The following CMTR1 variants were observed in gnomAD, a reference collection of about 807,000 sequenced individuals.
CMTR1 encodes cap-specific mRNA (nucleoside-2'-O-)-methyltransferase 1.
CMTR1 carries 39 observed loss-of-function variants against 107.0 expected under a neutral mutation model. The ratio of observed to expected loss-of-function variants is 0.36; its 90% confidence interval spans 0.28 to 0.48. CMTR1 has a LOEUF of 0.48. Ranked by LOEUF, CMTR1 falls within the 20% of genes least tolerant of loss-of-function variation. The probability of loss-of-function intolerance (pLI) is 0.99; values close to 1 mark genes in which losing one functional copy is unlikely to be tolerated. For synonymous variants in CMTR1, 366 were observed against 379.5 expected, an observed-to-expected ratio of 0.96 and a Z score of 0.41; for missense variants, 672 against 1,064.9, an observed-to-expected ratio of 0.63 and a Z score of 5.14.
chr6:37,471,046 C>G lies in CMTR1; in HGVS notation c.1531C>G (p.Leu511Val). 1.9e-6 allele frequency: 3 copies of G among 1,607,278 alleles called. No homozygotes were observed. The highest frequency in any genetic ancestry group is 8.5e-7 in the Non-Finnish European group (1 of 1,177,194). The change falls in exon 14 of 24, where the codon CTG (leucine) becomes GTG (valine). Residue 511 changes from leucine (L) to valine (V), a missense_variant. By Grantham distance (32) the Leu-to-Val change is conservative. This residue lies in a region of CMTR1 where 583 missense variants were observed against 968.4 expected (regional missense o/e 0.60). Coordinates refer to ENST00000373451, the MANE Select transcript of CMTR1 (RefSeq NM_015050.3). The part of the protein sequence containing the change: ...ESHCSLQIKA[L>V]AKIHAFVQDT... Reference sequence around the variant, plus strand: ...CCACTGTAGTCTGCAGATCAAAGCTCTGGCGAAAATCCATGCCTTTGTTCA... The same window carrying G: ...CCACTGTAGTCTGCAGATCAAAGCTGTGGCGAAAATCCATGCCTTTGTTCA...
chr6:37,469,521 C>CTTTTTTTTTTTTTTTTTTTTTTTTTTTCT (rs763917812), intron 13 of CMTR1, among the ~76,000 whole-genome samples: 1 of 61,594 alleles, frequency 1.6e-5, no homozygotes, highest in African/African-American at 6.8e-5. Flanking sequence ...TTGTTTTATC[C>CTTTTTTTTTTTTTTTTTTTTTTTTTTTCT]TTTTTTTTTT....
At position 37,462,932 on chromosome 6, in the gene CMTR1, G is replaced by C; in HGVS notation, c.1429G>C (p.Val477Leu). ...LNQLRNTDSD[V>L]NLVVPLEVIK... ...TCAGCTGCGGAACACGGATTCCGAC[G>C]TCAACTTGGTGGTCCCCCTGGAGGT... Residue 477 changes from valine (V) to leucine (L), a missense_variant, in exon 13 of 24, where the codon GTC (valine) becomes CTC (leucine). Physicochemically the swap from Val to Leu is conservative, Grantham distance 32 (BLOSUM62 1). Transcript: ENST00000373451. 1 of 1,614,176 alleles carries C rather than the reference G, an allele frequency of 6.2e-7. No homozygotes were observed. Among genetic ancestry groups the C allele is most frequent in the Non-Finnish European group, 8.5e-7 (1 of 1,180,022 alleles).
chr6:37,463,051 A>G (rs745382935), intron 13 of CMTR1, 43 bp downstream of exon 13: 3 of 1,579,540 alleles, frequency 1.9e-6, no homozygotes, highest in South Asian at 1.1e-5. Flanking sequence ...CTGAGGTCCT[A>G]AGGAAGACCA....
chr6:37,463,694 G>C (rs1384665507), intron 13 of CMTR1, among the ~76,000 whole-genome samples: 1 of 152,132 alleles, frequency 6.6e-6, no homozygotes, highest in Non-Finnish European at 1.5e-5. Flanking sequence ...CCAACCTTAA[G>C]TCCCCCAGAG....
Position 37,480,875 on chromosome 6 carries a change from C to T in CMTR1, c.*730C>T. The T allele has an allele frequency of 8.4e-7, 1 of 1,194,864 alleles. No individual in the cohort carries two copies. The highest frequency in any genetic ancestry group is 1.1e-6 in the Non-Finnish European group (1 of 946,416). The allele number at this position is 1,194,864 out of a possible 1,614,324, so 74.0% of individuals were successfully genotyped here. A position where few individuals can be genotyped will look rare whatever the true frequency, so the allele number is the denominator to read the frequency against. ...GGAGTTGTAGAGCCATCCTAGGTGC[C>T]ATCCCCTTTTGGTCCAAACATTGGG... On this transcript the variant is annotated 3_prime_UTR_variant, in exon 24 of 24. Transcript: ENST00000373451.
In CMTR1 at chr6:37,467,939, A is replaced by G. The variant is rs189365460; in HGVS notation, c.1506-3082A>G. Among the ~76,000 whole-genome samples, 3 of 151,632 alleles carry G rather than the reference A, an allele frequency of 2.0e-5. No individual in the cohort carries two copies. The East Asian group carries it at 5.8e-4, about 29-fold the overall frequency. The stretch of plus-strand genomic sequence containing the variant: ...GCATTTTAATTGGGGTGATTGGTGC[A>G]TTTACATTGAGTGTAATTATTAATG... On this transcript the variant is annotated intron_variant, in intron 13 of 23. Transcript: ENST00000373451.
intron 19 of CMTR1, chr6:37,475,689 G>A (rs1306343003): frequency 3.7e-6 from 2 of 544,666 alleles, no homozygotes; most frequent in African/African-American, 3.8e-5. Flanking sequence ...TTAAGGTTGA[G>A]CAAGAGGGTG....
At position 37,481,377 on chromosome 6, in the gene CMTR1, C is replaced by T; in HGVS notation, c.*1232C>T. On this transcript the variant is annotated 3_prime_UTR_variant, in exon 24 of 24. Coordinates refer to ENST00000373451, the MANE Select transcript of CMTR1 (RefSeq NM_015050.3). The stretch of plus-strand genomic sequence containing the variant: ...TGGAATCGACTTCACCATGGGGGTC[C>T]TTCAGCCAGCATCCAGCTCCCCACC... 4 of 1,187,564 alleles carry T rather than the reference C, an allele frequency of 3.4e-6. No homozygotes were observed. Among genetic ancestry groups the T allele is most frequent in the South Asian group, 3.2e-5 (2 of 62,998 alleles). 73.6% of individuals were successfully genotyped at this position (1,187,564 alleles called of 1,614,324 possible). A position where few individuals can be genotyped will look rare whatever the true frequency, so the allele number is the denominator to read the frequency against.
At chr6:37,437,325 G>C (rs551932335) in intron 2 of CMTR1, among the ~76,000 whole-genome samples, 3 of 151,514 alleles carry the variant, frequency 2.0e-5, no homozygotes, top group South Asian at 2.1e-4. Flanking sequence ...AGGAGATCGA[G>C]ACCATCCTGG....
Position 37,450,388 on chromosome 6 carries a change from G to A in CMTR1, c.537+45G>A. On this transcript the variant is annotated intron_variant, in intron 5 of 23. Transcript: ENST00000373451. ...TACCCTGACTTCTTGGCATTCTCTTGACTTTTCACTTGCTCGAGTCTGGTA... is the reference window on the plus strand; with the variant it reads ...TACCCTGACTTCTTGGCATTCTCTTAACTTTTCACTTGCTCGAGTCTGGTA... 3 of 1,437,652 alleles carry A rather than the reference G, an allele frequency of 2.1e-6. No homozygotes were observed. The South Asian group carries it at 3.4e-5, about 16-fold the overall frequency. The allele number at this position is 1,437,652 out of a possible 1,614,324, so 89.1% of individuals were successfully genotyped here.
At chr6:37,427,981 T>C in the CMTR1 span, among the ~76,000 whole-genome samples, 2 of 146,764 alleles carry the variant, frequency 1.4e-5, no homozygotes, top group East Asian at 2.0e-4. This position sits in a 1 kb window ranked among gnomAD's most constrained non-coding sequence, Gnocchi z 4.4. Flanking sequence ...ATGTGATACA[T>C]AGTTTTGTCA....
chr6:37,479,248 C>A lies in CMTR1; in HGVS notation c.2368C>A (p.Pro790Thr). 6.2e-7 allele frequency: 1 copy of A among 1,606,504 alleles called. No individual in the cohort carries two copies. The highest frequency in any genetic ancestry group is 8.5e-7 in the Non-Finnish European group (1 of 1,173,060). Residue 790 changes from proline to threonine, a missense_variant, in exon 23 of 24, where the codon CCA (proline) becomes ACA (threonine). Pro to Thr is a conservative substitution (Grantham distance 38, BLOSUM62 -1). This residue lies in a region of CMTR1 where 583 missense variants were observed against 968.4 expected (regional missense o/e 0.60). Transcript: ENST00000373451. Reference sequence around the variant, plus strand: ...TGACCTCCCTGCAGACTCCATTGCCCCATTTCAGTAAGTAGCTCTCCTCCA... The same window carrying A: ...TGACCTCCCTGCAGACTCCATTGCCACATTTCAGTAAGTAGCTCTCCTCCA... ...TFDLPADSIA[P>T]FHICYYGRLF...
chr6:37,437,986 T>C (rs933187431), intron 2 of CMTR1, among the ~76,000 whole-genome samples: 4 of 152,210 alleles, frequency 2.6e-5, no homozygotes, highest in African/African-American at 9.6e-5. Context: ...CTGATTTAAA[T>C]TTCAAGCTTT....
At chr6:37,477,735 C>CGGGGGGGGGT in intron 21 of CMTR1, 96 bp downstream of exon 21, 4 of 373,508 alleles carry the variant, frequency 1.1e-5, no homozygotes, top group South Asian at 9.3e-5. Context: ...GGGTCGGGGG[C>CGGGGGGGGGT]GGGGGGTGGT....
intron 20 of CMTR1, among the ~76,000 whole-genome samples, chr6:37,476,591 G>A (rs1407167886): frequency 6.6e-6 from 1 of 150,580 alleles, no homozygotes; most frequent in East Asian, 1.9e-4. Context: ...GATTGTTTGA[G>A]GGAATGGGAC....
chr6:37,465,086 T>C (rs1761478571), intron 13 of CMTR1, among the ~76,000 whole-genome samples: 1 of 152,000 alleles, frequency 6.6e-6, no homozygotes, highest in South Asian at 2.1e-4. Context: ...CTGGCCAACA[T>C]GGTGAAACCC....
intron 5 of CMTR1, among the ~76,000 whole-genome samples, chr6:37,451,299 T>C (rs1761162890): frequency 6.6e-6 from 1 of 152,198 alleles, no homozygotes; most frequent in African/African-American, 2.4e-5. Flanking sequence ...TGAGTTTTAC[T>C]GGTTTAGAGG....
At chr6:37,448,811 C>G (rs907179071) in intron 4 of CMTR1, among the ~76,000 whole-genome samples, 1 of 152,216 alleles carries the variant, frequency 6.6e-6, no homozygotes. Flanking sequence ...GTTTCTCTAT[C>G]CTGGTGGCAC....
At position 37,462,114 on chromosome 6, in the gene CMTR1, C is replaced by T; in HGVS notation, c.1325+12C>T. On this transcript the variant is annotated intron_variant, in intron 12 of 23. Coordinates refer to ENST00000373451, the MANE Select transcript of CMTR1 (RefSeq NM_015050.3). ...GCCAACTCAGAGAGGTGAAGCCTTTCTCTCTATATTAGCCAGATTAATTGG... is the reference window on the plus strand; with the variant it reads ...GCCAACTCAGAGAGGTGAAGCCTTTTTCTCTATATTAGCCAGATTAATTGG... 1.9e-6 allele frequency: 3 copies of T among 1,614,064 alleles called. No individual in the cohort carries two copies. The highest frequency in any genetic ancestry group is 1.7e-6 in the Non-Finnish European group (2 of 1,180,010).
Sources: allele counts gnomAD v4.1 joint callset (sites outside exome capture counted in the v4.1 genomes callset), GRCh38; gene constraint gnomAD v4.1.1; regional missense constraint gnomAD v4.1.1; non-coding constraint Gnocchi (gnomAD v3.1); transcripts MANE v1.5; gene names NCBI Gene and HGNC (gene_info 2026-07-23, HGNC 2026-07-21).